The following CLIC5 variants were observed in gnomAD, a reference collection of about 807,000 sequenced individuals.
CLIC5 encodes chloride intracellular channel protein 5.
A neutral mutation model predicts 24.7 loss-of-function variants in CLIC5; 20 were observed. The observed-to-expected ratio is 0.81, with a 90% CI of 0.57 to 1.18. The LOEUF (loss-of-function observed/expected upper bound fraction) is 1.18, where lower values mean the gene tolerates loss of function less well. Among genes scored for constraint, CLIC5 ranks in the 50% most tolerant of loss-of-function variants. The pLI is 0.00. For synonymous variants in CLIC5, 159 were observed against 135.6 expected (o/e 1.17, Z -1.20); for missense variants, 341 against 326.1 (o/e 1.05, Z -0.35).
chr6:45,950,198 C>T (rs1345685634), intron 2 of CLIC5, among the ~76,000 whole-genome samples: 2 of 152,180 alleles, frequency 1.3e-5, no homozygotes, highest in Non-Finnish European at 2.9e-5. Flanking sequence ...AGGGAAAGGA[C>T]CCAGAACCAT....
At chr6:45,958,973 A>G (rs2127391544) in intron 1 of CLIC5, among the ~76,000 whole-genome samples, 1 of 152,048 alleles carries the variant, frequency 6.6e-6, no homozygotes, top group East Asian at 1.9e-4. Flanking sequence ...TACTACATAC[A>G]TACATACATA....
chr6:46,084,536 T>A (rs1414846121), upstream of CLIC5, among the ~76,000 whole-genome samples: 1 of 152,226 alleles, frequency 6.6e-6, no homozygotes, highest in Non-Finnish European at 1.5e-5. Context: ...CTTGTGAAGC[T>A]TAGTTTGGCT....
chr6:45,881,803 C>A (rs1005222800), intron 6 of CLIC5, among the ~76,000 whole-genome samples: 2 of 152,162 alleles, frequency 1.3e-5, no homozygotes, highest in Non-Finnish European at 2.9e-5. Flanking sequence ...CCACCCCAGG[C>A]TGCCCTCTTC....
chr6:46,060,262 C>A (rs1265189903), intron 1 of CLIC5, among the ~76,000 whole-genome samples: 1 of 152,058 alleles, frequency 6.6e-6, no homozygotes, highest in Non-Finnish European at 1.5e-5. Flanking sequence ...GATGATTATG[C>A]AAGTTGGTTT....
chr6:46,023,891 A>C (rs1471306635), intron 1 of CLIC5, among the ~76,000 whole-genome samples: 4 of 102,224 alleles, frequency 3.9e-5, no homozygotes, highest in Admixed American at 9.0e-5. Context: ...AACAAAATTC[A>C]AAAAAAAAAA....
At chr6:46,103,058 C>G in the CLIC5 span, among the ~76,000 whole-genome samples, 1 of 148,662 alleles carries the variant, frequency 6.7e-6, no homozygotes, top group South Asian at 2.3e-4. Context: ...ACGAGTTTCA[C>G]TCAGCTTTTT....
intron 1 of CLIC5, chr6:46,079,555 G>T (rs955269625): frequency 3.0e-6 from 2 of 663,602 alleles, no homozygotes; most frequent in African/African-American, 1.8e-5. Context: ...ACACTCTAAT[G>T]ACTGATTTAG....
intron 1 of CLIC5, among the ~76,000 whole-genome samples, chr6:45,971,689 G>C (rs1765206601): frequency 6.6e-6 from 1 of 152,204 alleles, no homozygotes; most frequent in Admixed American, 6.5e-5. Context: ...TATTGAAGGA[G>C]GCTGCTGGAA....
chr6:45,995,109 C>T (rs1581838868), intron 1 of CLIC5, among the ~76,000 whole-genome samples: 1 of 152,064 alleles, frequency 6.6e-6, no homozygotes, highest in Non-Finnish European at 1.5e-5. Context: ...CCCCAGATAC[C>T]AGGCAGGCCC....
intron 1 of CLIC5, among the ~76,000 whole-genome samples, chr6:45,993,866 T>A (rs542185134): frequency 6.6e-6 from 1 of 152,316 alleles, no homozygotes; most frequent in African/African-American, 2.4e-5. Context: ...CCTGCGGAAA[T>A]CATTCAGCCT....
chr6:45,994,100 G>A (rs1237398770), intron 1 of CLIC5, among the ~76,000 whole-genome samples: 3 of 152,240 alleles, frequency 2.0e-5, no homozygotes, highest in East Asian at 3.9e-4. Flanking sequence ...CTCATGGTCA[G>A]CAGATATCCC....
At chr6:46,101,258 G>C in the CLIC5 span, among the ~76,000 whole-genome samples, 1 of 152,172 alleles carries the variant, frequency 6.6e-6, no homozygotes, top group Admixed American at 6.5e-5. Flanking sequence ...GTTCAAAGGG[G>C]TATAAAATAA....
intron 1 of CLIC5, among the ~76,000 whole-genome samples, chr6:45,960,829 G>A (rs2127393283): frequency 6.6e-6 from 1 of 152,292 alleles, no homozygotes; most frequent in South Asian, 2.1e-4. Flanking sequence ...TGCTTGCTCA[G>A]CGACTCCAGA....
At chr6:45,883,942 T>C (rs1762282899) in intron 6 of CLIC5, 1 of 152,194 alleles carries the variant, frequency 6.6e-6, no homozygotes, top group African/African-American at 2.4e-5. Context: ...AGATATATTG[T>C]GATGAAGAGA....
At chr6:45,971,701 CATAAT>C (rs980844788) in intron 1 of CLIC5, among the ~76,000 whole-genome samples, 6 of 152,300 alleles carry the variant, frequency 3.9e-5, no homozygotes, top group African/African-American at 1.4e-4. Flanking sequence ...CTGCTGGAAA[CATAAT>C]ATAGAAAATT....
chr6:46,076,249 A>G (rs1762766374), intron 1 of CLIC5, among the ~76,000 whole-genome samples: 1 of 151,988 alleles, frequency 6.6e-6, no homozygotes, highest in South Asian at 2.1e-4. Context: ...TGGCTCACCC[A>G]CTGCAGCCAC....
At chr6:46,067,470 T>C (rs913651655) in intron 1 of CLIC5, among the ~76,000 whole-genome samples, 22 of 152,196 alleles carry the variant, frequency 1.4e-4, no homozygotes, top group African/African-American at 5.1e-4. Context: ...TTGGCTTCTG[T>C]GTCTGTTGAC....
intron 1 of CLIC5, among the ~76,000 whole-genome samples, chr6:45,996,908 A>G (rs1218662071): frequency 6.6e-6 from 1 of 151,990 alleles, no homozygotes; most frequent in East Asian, 1.9e-4. Context: ...TGTTGGTGGG[A>G]CTGTAAACTA....
intron 1 of CLIC5, among the ~76,000 whole-genome samples, chr6:46,009,018 C>G (rs1227629074): frequency 6.6e-6 from 1 of 152,062 alleles, no homozygotes; most frequent in Non-Finnish European, 1.5e-5. Context: ...GCCTGGGCCT[C>G]ACCCCACCCT....
Sources: gnomAD v4.1 joint callset for allele counts (sites outside exome capture counted in the v4.1 genomes callset) on GRCh38, gnomAD v4.1.1 for gene constraint, MANE v1.5 for transcripts, NCBI Gene and HGNC (gene_info 2026-07-23, HGNC 2026-07-21) for gene names.